DDHD2: variants seen among roughly 807,000 people sequenced by gnomAD.
The protein encoded by DDHD2 is triacylglycerol hydrolase DDHD2.
A neutral mutation model predicts 91.2 loss-of-function variants in DDHD2; 62 were observed. That is an observed-to-expected ratio of 0.68 (90% CI 0.55 to 0.84). DDHD2 has a LOEUF of 0.84. Among genes scored for constraint, DDHD2 ranks in the 40% least tolerant of loss-of-function variants. The probability of loss-of-function intolerance (pLI) is 0.00; values close to 1 mark genes in which losing one functional copy is unlikely to be tolerated. For missense variants in DDHD2, 740 were observed against 846.9 expected (o/e 0.87, Z 1.57); for synonymous variants, 271 against 293.9 (o/e 0.92, Z 0.80).
In DDHD2 at chr8:38,238,198, A is replaced by G; in HGVS notation, c.611A>G (p.Asp204Gly). Residue 204 changes from aspartate to glycine, a missense_variant, in exon 5 of 18, where the codon GAC (aspartate) becomes GGC (glycine). Physicochemically the swap from Asp to Gly is moderately conservative, Grantham distance 94. Around this residue, in one of 2 missense-constraint regions of DDHD2, gnomAD observed 693 missense variants for 764.2 expected, o/e 0.91. Transcript: ENST00000397166. ...AGAGGAGTTGAGAACATCTCTGTTG[A>G]CATTCATTGTGGTAATGTTAATCGT... ...VKRGVENISV[D>G]IHCGEPLQID... 1 of 1,613,986 alleles carries G rather than the reference A, an allele frequency of 6.2e-7. No homozygotes were observed. The highest frequency in any genetic ancestry group is 8.5e-7 in the Non-Finnish European group (1 of 1,179,894).
In DDHD2 at chr8:38,237,537, G is replaced by T; in HGVS notation, c.412-1G>T. 2 of 1,554,306 alleles carry T rather than the reference G, an allele frequency of 1.3e-6. No homozygotes were observed. Among genetic ancestry groups the T allele is most frequent in the South Asian group, 2.3e-5 (2 of 86,240 alleles). On this transcript the variant is annotated splice_acceptor_variant, in intron 3 of 17. Transcript: ENST00000397166. LOFTEE classifies it high-confidence loss of function. The stretch of plus-strand genomic sequence containing the variant: ...TCTAATGAAATGTGTTTTCTTTTAA[G>T]GAAACTTACATGCTTGCTGTAACTT...
intron 5 of DDHD2, among the ~76,000 whole-genome samples, chr8:38,239,482 G>A (rs1015079858): frequency 2.7e-5 from 4 of 150,728 alleles, no homozygotes; most frequent in Non-Finnish European, 4.4e-5. Flanking sequence ...TCAGGAGGTC[G>A]AGACCATTCT....
intron 12 of DDHD2, 36 bp downstream of exon 12, chr8:38,252,064 A>G: frequency 1.2e-6 from 2 of 1,612,616 alleles, no homozygotes; most frequent in East Asian, 2.2e-5. Flanking sequence ...ACAGCCTGCT[A>G]TTTGTATGGT....
chr8:38,245,222 A>G (rs950353247), intron 7 of DDHD2, among the ~76,000 whole-genome samples: 11 of 151,720 alleles, frequency 7.3e-5, no homozygotes, highest in Non-Finnish European at 1.6e-4. Flanking sequence ...ATCTGAGGTC[A>G]GGAGTTTGAG....
chr8:38,267,805 TGAGA>T, downstream of DDHD2: 1 of 1,268,100 alleles, frequency 7.9e-7, no homozygotes, highest in Non-Finnish European at 1.1e-6. Context: ...GAGAAAAGAA[TGAGA>T]AAGACGTGTG....
At chr8:38,266,049 G>T, downstream of DDHD2, 1 of 1,178,536 alleles carries the variant, frequency 8.5e-7, no homozygotes, top group Non-Finnish European at 1.2e-6. Context: ...TGTTCATTCA[G>T]CAGATATTTA....
chr8:38,236,579 G>A (rs553283503), intron 3 of DDHD2, among the ~76,000 whole-genome samples: 2 of 151,554 alleles, frequency 1.3e-5, no homozygotes, highest in East Asian at 3.9e-4. Flanking sequence ...GTAGTGGCGC[G>A]ATCTCAGCTC....
At chr8:38,268,519 T>C in intron 1 of DDHD2, 1 of 1,542,080 alleles carries the variant, frequency 6.5e-7, no homozygotes, top group Non-Finnish European at 8.7e-7. Flanking sequence ...CTCGTGCTCC[T>C]ACAGGAAAGA....
rs200317856 is a variant in DDHD2 at position 38,245,823 on chromosome 8, C to T, written c.930C>T (p.Tyr310=). The T allele has an allele frequency of 1.1e-4, 185 of 1,614,058 alleles. No individual in the cohort carries two copies. The highest frequency in any genetic ancestry group is 2.0e-4 in the Admixed American group (12 of 60,006). Residue 310 remains tyrosine, a synonymous_variant, in exon 8 of 18, where the codon TAC becomes TAT. Coordinates refer to ENST00000397166, the MANE Select transcript of DDHD2 (RefSeq NM_015214.3). The part of the protein sequence containing the change: ...TNDTILDVFF[Y]NSPTYCQTIV... ...ACACAATTCTGGATGTCTTCTTCTA[C>T]AATAGTCCCACCTACTGTCAGACTA...
chr8:38,248,962 AC>A (rs1805885685), intron 10 of DDHD2, among the ~76,000 whole-genome samples: 1 of 150,702 alleles, frequency 6.6e-6, no homozygotes. Context: ...AAAAAAAAAA[AC>A]GATGAGTGAC....
intron 1 of DDHD2, chr8:38,269,158 C>T (rs1328344588): frequency 9.9e-6 from 15 of 1,513,300 alleles, no homozygotes; most frequent in Non-Finnish European, 1.1e-5. Flanking sequence ...GCCGCACGCC[C>T]ACTTCGGCCC....
intron 5 of DDHD2, among the ~76,000 whole-genome samples, chr8:38,239,225 T>C (rs1270654152): frequency 6.6e-6 from 1 of 151,460 alleles, no homozygotes; most frequent in African/African-American, 2.4e-5. Flanking sequence ...AATACAAAAA[T>C]TAACTGGGCA....
chr8:38,233,037 G>T lies in DDHD2; in HGVS notation c.43G>T (p.Asp15Tyr). ...ACAACAGGAGCAGTTGTCCCAGTCA[G>T]ATCCATCTCCGTCACCAAACTCATG... ...QSQQEQLSQS[D>Y]PSPSPNSCSS... The change falls in exon 2 of 18, where the codon GAT (aspartate) becomes TAT (tyrosine). Residue 15 changes from aspartate (D) to tyrosine (Y), a missense_variant. Asp to Tyr is a radical substitution (Grantham distance 160). Coordinates refer to ENST00000397166, the MANE Select transcript of DDHD2 (RefSeq NM_015214.3). 1 of 1,614,186 alleles carries T rather than the reference G, an allele frequency of 6.2e-7. No homozygotes were observed. The highest frequency in any genetic ancestry group is 8.5e-7 in the Non-Finnish European group (1 of 1,180,040).
chr8:38,252,987 T>C lies in DDHD2; in HGVS notation c.1751T>C (p.Met584Thr), dbSNP rs1806230998. The C allele has an allele frequency of 2.5e-6, 4 of 1,614,166 alleles. No homozygotes were observed. Among genetic ancestry groups the C allele is most frequent in the Middle Eastern group, 1.6e-4 (1 of 6,062 alleles). Residue 584 changes from methionine (M) to threonine (T), a missense_variant, in exon 15 of 18, where the codon ATG becomes ACG. Transcript: ENST00000397166. Reference protein sequence around the residue: ...ELREGLTRMSMDLKNNLLGSL... With the variant: ...ELREGLTRMSTDLKNNLLGSL... The stretch of plus-strand genomic sequence containing the variant: ...AGAGAGGGCTTGACCAGGATGAGTA[T>C]GGACCTTAAGAACAACTTGCTAGGT...
chr8:38,272,659 G>GT (rs1808510887), downstream of DDHD2: 1 of 152,164 alleles, frequency 6.6e-6, no homozygotes. Flanking sequence ...AAATTAACAT[G>GT]TGGTTAAAAA....
chr8:38,240,741 T>C (rs1805189269), intron 6 of DDHD2, among the ~76,000 whole-genome samples: 1 of 152,178 alleles, frequency 6.6e-6, no homozygotes. Context: ...GATATTGTAA[T>C]TGGAGGATTT....
intron 7 of DDHD2, among the ~76,000 whole-genome samples, chr8:38,244,334 C>T (rs1177425754): frequency 6.6e-6 from 1 of 152,056 alleles, no homozygotes; most frequent in Non-Finnish European, 1.5e-5. Context: ...ACGGTCTCGG[C>T]TCACTGCAAC....
At chr8:38,233,734 C>T (rs1383182306) in intron 2 of DDHD2, among the ~76,000 whole-genome samples, 2 of 151,818 alleles carry the variant, frequency 1.3e-5, no homozygotes, top group Non-Finnish European at 2.9e-5. Context: ...TTGAGATTAG[C>T]CTGGCCAGCA....
intron 5 of DDHD2, among the ~76,000 whole-genome samples, chr8:38,239,973 T>G (rs1286991508): frequency 6.6e-6 from 1 of 151,818 alleles, no homozygotes; most frequent in Non-Finnish European, 1.5e-5. Context: ...TCTACCTGCC[T>G]TGGCCTCCCA....
Sources: gnomAD v4.1 joint callset for allele counts (sites outside exome capture counted in the v4.1 genomes callset) on GRCh38, gnomAD v4.1.1 for gene constraint, gnomAD v4.1.1 regional missense constraint, MANE v1.5 for transcripts, NCBI Gene and HGNC (gene_info 2026-07-23, HGNC 2026-07-21) for gene names.